The following SDK2 variants were observed in gnomAD, a reference collection of about 807,000 sequenced individuals.
SDK2 encodes the protein sidekick cell adhesion molecule 2, also known as protein sidekick-2.
Under a neutral mutation model 253.9 loss-of-function variants are expected in SDK2, and 105 were observed. The observed-to-expected ratio is 0.41, with a 90% confidence interval of 0.35 to 0.49. The LOEUF is 0.49. SDK2 is among the 20% of genes least tolerant of loss of function. SDK2 has a pLI of 0.06. For synonymous variants in SDK2, 1,249 were observed against 1,234.9 expected (o/e 1.01, Z -0.24); for missense variants, 2,608 against 3,003.0 (o/e 0.87, Z 3.07).
intron 1 of SDK2, among the ~76,000 whole-genome samples, chr17:73,597,649 CT>C (rs762635491): frequency 1.2e-3 from 170 of 142,316 alleles, no homozygotes; most frequent in Admixed American, 1.4e-3. Context: ...ATTTTCTTTT[CT>C]TTTTTTTTTT....
At position 73,477,301 on chromosome 17, in the gene SDK2, C is replaced by T. The variant is rs141322397; in HGVS notation, c.225-5083G>A. Reference sequence around the variant, plus strand: ...CAGCAGGAGACTGGCTGAGTCCAGCCCCATCCAGGTCACCCCGGGGGTGGG... The same window carrying T: ...CAGCAGGAGACTGGCTGAGTCCAGCTCCATCCAGGTCACCCCGGGGGTGGG... On this transcript the variant is annotated intron_variant, in intron 2 of 44. Coordinates refer to ENST00000392650, the MANE Select transcript of SDK2 (RefSeq NM_001144952.2). 4.6e-3 allele frequency among the ~76,000 whole-genome samples: 704 copies of T among 152,222 alleles called. 5 individuals carry two copies. Among genetic ancestry groups the T allele is most frequent in the African/African-American group, 0.016 (650 of 41,538 alleles).
chr17:73,611,922 C>G (rs1599725138), intron 1 of SDK2, among the ~76,000 whole-genome samples: 1 of 152,050 alleles, frequency 6.6e-6, no homozygotes, highest in South Asian at 2.1e-4. Context: ...CCCAACTCTG[C>G]GTGGGGAAGG....
At position 73,338,792 on chromosome 17, in the gene SDK2, C is replaced by T. The variant is rs758302541; in HGVS notation, c.6314G>A (p.Ser2105Asn). The T allele has an allele frequency of 6.2e-7, 1 of 1,613,934 alleles. No individual in the cohort carries two copies. Among genetic ancestry groups the T allele is most frequent in the East Asian group, 2.2e-5 (1 of 44,872 alleles). Reference sequence around the variant, plus strand: ...GGTGTGGTCTGGCTCACCCGAGTCGCTCTCCGTGTAGCTGTAGGCCTGTGC... The same window carrying T: ...GGTGTGGTCTGGCTCACCCGAGTCGTTCTCCGTGTAGCTGTAGGCCTGTGC... Reference protein sequence around the residue: ...SRAQAYSYTESDSGEPDHTTV... With the variant: ...SRAQAYSYTENDSGEPDHTTV... Residue 2105 changes from serine (S) to asparagine (N), a missense_variant, in exon 45 of 45, where the codon AGC becomes AAC. This residue lies in a region of SDK2 where 1,103 missense variants were observed against 1,143.9 expected (regional missense o/e 0.96). Coordinates refer to ENST00000392650, the MANE Select transcript of SDK2 (RefSeq NM_001144952.2). This position sits in a 1 kb window ranked among gnomAD's most constrained non-coding sequence, Gnocchi z 5.0.
chr17:73,447,297 T>C lies in SDK2; in HGVS notation c.613+318A>G, dbSNP rs7209360. ...CCCGATAGTGGCTGCAACTCACACA[T>C]GCACACGCTCTTCCTCTGCCCCACC... On this transcript the variant is annotated intron_variant, in intron 5 of 44. Transcript: ENST00000392650. This position sits in a 1 kb window ranked among gnomAD's most constrained non-coding sequence, Gnocchi z 4.0. Among the ~76,000 whole-genome samples, 37,195 of 151,900 alleles carry C rather than the reference T, an allele frequency of 0.24. 4,730 individuals carry two copies. Among genetic ancestry groups the C allele is most frequent in the South Asian group, 0.36 (1,747 of 4,818 alleles).
chr17:73,623,544 T>C (rs540724578), intron 1 of SDK2, among the ~76,000 whole-genome samples: 7 of 152,230 alleles, frequency 4.6e-5, no homozygotes, highest in Admixed American at 4.6e-4. Context: ...TGGACAAGAC[T>C]GAGGAAATAA....
At chr17:73,437,712 C>A in intron 8 of SDK2, 27 bp downstream of exon 8, 2 of 1,584,300 alleles carry the variant, frequency 1.3e-6, no homozygotes, top group Non-Finnish European at 1.7e-6. Flanking sequence ...GGGTCTTTGT[C>A]CCCCTCCAGC....
Position 73,348,592 on chromosome 17 carries a change from C to T in SDK2, c.6165+7G>A, listed in dbSNP as rs759366008. 1.9e-6 allele frequency: 3 copies of T among 1,611,794 alleles called. No individual in the cohort carries two copies. Among genetic ancestry groups the T allele is most frequent in the Non-Finnish European group, 2.5e-6 (3 of 1,179,428 alleles). On this transcript the variant is annotated splice_region_variant and intron_variant, in intron 44 of 44. Transcript: ENST00000392650. ...CCCTGCAGGACACCTGGCCCTCCTG[C>T]CCTCACCTGAGAGTCGGAGATTTCT...
At chr17:73,375,019 A>G (rs573635472) in intron 36 of SDK2, among the ~76,000 whole-genome samples, 3 of 152,176 alleles carry the variant, frequency 2.0e-5, no homozygotes, top group African/African-American at 7.2e-5. Context: ...GAAGGACCCC[A>G]GGTGCTCCAG....
At chr17:73,441,211 C>T (rs1366147143) in intron 5 of SDK2, among the ~76,000 whole-genome samples, 4 of 152,000 alleles carry the variant, frequency 2.6e-5, no homozygotes, top group Non-Finnish European at 5.9e-5. Flanking sequence ...TCCCCACCAC[C>T]ACCCTGTCCT....
Position 73,515,317 on chromosome 17 carries a change from A to G in SDK2, c.65-7720T>C, listed in dbSNP as rs771964035. Among the ~76,000 whole-genome samples the G allele has an allele frequency of 3.3e-4, 50 of 152,104 alleles. 1 individual carries two copies. The highest frequency in any genetic ancestry group is 6.6e-4 in the Non-Finnish European group (45 of 68,022). On this transcript the variant is annotated intron_variant, in intron 1 of 44. Coordinates refer to ENST00000392650, the MANE Select transcript of SDK2 (RefSeq NM_001144952.2). ...CCAGGGGTGGTGAGAGGGACGGGGG[A>G]CATTCAAGGAGGTTGGTGGCCTCTC... is the stretch of plus-strand genomic sequence containing the variant.
At chr17:73,533,296 G>A (rs1190589794) in intron 1 of SDK2, among the ~76,000 whole-genome samples, 25 of 152,232 alleles carry the variant, frequency 1.6e-4, no homozygotes, top group Admixed American at 1.6e-3. Flanking sequence ...CACACTCTGG[G>A]GCCCCGGGGC....
At chr17:73,501,260 A>ACAC (rs58868274) in intron 2 of SDK2, among the ~76,000 whole-genome samples, 1 of 152,036 alleles carries the variant, frequency 6.6e-6, no homozygotes, top group Admixed American at 6.5e-5. Flanking sequence ...ACACACACAC[A>ACAC]TATTTTAGCA....
In SDK2 at chr17:73,494,623, G is replaced by A. The variant is rs151108975; in HGVS notation, c.224+12815C>T. On this transcript the variant is annotated intron_variant, in intron 2 of 44. Transcript: ENST00000392650. The stretch of plus-strand genomic sequence containing the variant: ...TAGTCTTAATTGACATAATTTTTGC[G>A]AGGTTGTCAACTCAAGGCACAAGGA... Among the ~76,000 whole-genome samples, 1,432 of 152,234 alleles carry A rather than the reference G, an allele frequency of 9.4e-3. 16 individuals carry two copies. The highest frequency in any genetic ancestry group is 0.027 in the African/African-American group (1,117 of 41,528).
In SDK2 at chr17:73,433,631, G is replaced by A. The variant is rs1022224995; in HGVS notation, c.1312+101C>T. 6.1e-6 allele frequency: 5 copies of A among 816,818 alleles called. No individual in the cohort carries two copies. The Admixed American group carries it at 1.0e-4, about 17-fold the overall frequency. The allele number at this position is 816,818 out of a possible 1,614,324, so 50.6% of individuals were successfully genotyped here. On this transcript the variant is annotated intron_variant, in intron 10 of 44. Coordinates refer to ENST00000392650, the MANE Select transcript of SDK2 (RefSeq NM_001144952.2). ...GTTGTACAGTGTATGACCTTCACAAGTGTACGTGGGGAACCCAACCTGGCT... is the reference window on the plus strand; with the variant it reads ...GTTGTACAGTGTATGACCTTCACAAATGTACGTGGGGAACCCAACCTGGCT...
rs8076810 is a variant in SDK2, at chr17:73,503,336, G to A, written c.224+4102C>T. ...TATCATTGTTAAATTTCCCAACTGT[G>A]AAAATTGTGTCGTGCATGGTTCTGC... On this transcript the variant is annotated intron_variant, in intron 2 of 44. Coordinates refer to ENST00000392650, the MANE Select transcript of SDK2 (RefSeq NM_001144952.2). 2.4e-3 allele frequency among the ~76,000 whole-genome samples: 363 copies of A among 152,344 alleles called. 1 individual carries two copies. Among genetic ancestry groups the A allele is most frequent in the African/African-American group, 8.5e-3 (352 of 41,588 alleles).
Position 73,350,633 on chromosome 17 carries a change from G to A in SDK2, c.5899+17C>T. The A allele has an allele frequency of 6.2e-7, 1 of 1,605,970 alleles. No homozygotes were observed. The highest frequency in any genetic ancestry group is 8.5e-7 in the Non-Finnish European group (1 of 1,176,348). On this transcript the variant is annotated intron_variant, in intron 42 of 44. Transcript: ENST00000392650. ...AAACTCAAGTCCAGCCAGCATGGCT[G>A]GTGCCAGCTCACTCACCCGAGTCTG...
intron 3 of SDK2, among the ~76,000 whole-genome samples, chr17:73,471,859 C>T (rs1383261724): frequency 6.6e-6 from 1 of 152,228 alleles, no homozygotes; most frequent in African/African-American, 2.4e-5. Context: ...GCTCTCGGGA[C>T]ATGTGATGGG....
At chr17:73,440,481 C>T (rs373085291) in intron 6 of SDK2, among the ~76,000 whole-genome samples, 2 of 152,258 alleles carry the variant, frequency 1.3e-5, no homozygotes, top group East Asian at 3.9e-4. Flanking sequence ...CAAGAGGGCT[C>T]GCTTTGAGAG....
At chr17:73,586,912 A>G (rs1433825583) in intron 1 of SDK2, among the ~76,000 whole-genome samples, 4 of 152,184 alleles carry the variant, frequency 2.6e-5, no homozygotes, top group Non-Finnish European at 5.9e-5. Context: ...GTCAGATCTG[A>G]ATGGAATTCC....
Sources: allele counts gnomAD v4.1 joint callset (sites outside exome capture counted in the v4.1 genomes callset), GRCh38; gene constraint gnomAD v4.1.1; regional missense constraint gnomAD v4.1.1; non-coding constraint Gnocchi (gnomAD v3.1); transcripts MANE v1.5; gene names NCBI Gene and HGNC (gene_info 2026-07-23, HGNC 2026-07-21).